EDEM2: variants seen among roughly 807,000 people sequenced by gnomAD.
EDEM2 encodes the protein ER degradation-enhancing alpha-mannosidase-like protein 2.
In EDEM2, 39 loss-of-function variants were observed where a neutral mutation model predicts 64.8. The ratio of observed to expected loss-of-function variants is 0.60; its 90% CI spans 0.47 to 0.79. The LOEUF is 0.79. Among genes scored for constraint, EDEM2 ranks in the 30% least tolerant of loss-of-function variants. The pLI is 0.00. For missense variants in EDEM2, 609 were observed against 731.3 expected (o/e 0.83, Z 1.93); for synonymous variants, 296 against 291.5 (o/e 1.02, Z -0.16).
chr20:35,146,708 G>T, intron 2 of EDEM2, 117 bp downstream of exon 2: 2 of 1,119,694 alleles, frequency 1.8e-6, no homozygotes, highest in Non-Finnish European at 2.6e-6. Context: ...CTCTAGCTCA[G>T]CTGGGAGCTT....
chr20:35,125,201 CTTT>C (rs11468187), intron 8 of EDEM2, among the ~76,000 whole-genome samples: 38 of 127,962 alleles, frequency 3.0e-4, no homozygotes, highest in Non-Finnish European at 4.1e-4. Context: ...CCGGTGGCCA[CTTT>C]TTTTTTTTTT....
At position 35,131,757 on chromosome 20, in the gene EDEM2, A is replaced by T; in HGVS notation, c.729T>A (p.Thr243=). 6.2e-7 allele frequency: 1 copy of T among 1,614,136 alleles called. No homozygotes were observed. The highest frequency in any genetic ancestry group is 2.2e-5 in the East Asian group (1 of 44,882). ...CTGCGTCCTGGGCCACCCACTTGCC[A>T]GTGAGCACATCAATGTGGTTGCCGA... ...GLVGNHIDVL[T]GKWVAQDAGI... The change falls in exon 7 of 11, where the codon ACT becomes ACA. Residue 243 remains threonine, a synonymous_variant. Coordinates refer to ENST00000374492, the MANE Select transcript of EDEM2 (RefSeq NM_018217.3).
intron 8 of EDEM2, among the ~76,000 whole-genome samples, chr20:35,124,636 G>T (rs1300835726): frequency 6.6e-6 from 1 of 152,112 alleles, no homozygotes; most frequent in Non-Finnish European, 1.5e-5. Flanking sequence ...CCAAAGTGCT[G>T]GGATTACAAC....
At chr20:35,130,354 G>A (rs1229814553) in intron 7 of EDEM2, among the ~76,000 whole-genome samples, 1 of 152,162 alleles carries the variant, frequency 6.6e-6, no homozygotes, top group Non-Finnish European at 1.5e-5. Context: ...AAAGGCATGA[G>A]CCACTGTGCC....
At chr20:35,116,500 C>T (rs185125930) in intron 10 of EDEM2, among the ~76,000 whole-genome samples, 44 of 152,296 alleles carry the variant, frequency 2.9e-4, no homozygotes, top group Admixed American at 1.9e-3. Context: ...CCTCCTGCTT[C>T]GGGCTCTTTG....
In EDEM2 at chr20:35,146,910, G is replaced by A. The variant is rs762063372; in HGVS notation, c.133C>T (p.His45Tyr). The change falls in exon 2 of 11, where the codon CAC becomes TAC. Residue 45 changes from histidine to tyrosine, a missense_variant. His to Tyr is a moderately conservative substitution (Grantham distance 83). Coordinates refer to ENST00000374492, the MANE Select transcript of EDEM2 (RefSeq NM_018217.3). ...TTCTCCAGGTAGCTGTCGTAGGCGT[G>A]GTAGAACATGGCCTTGACTCGCTCC... ...YRERVKAMFYHAYDSYLENAF... is the reference protein window; with the variant it reads ...YRERVKAMFYYAYDSYLENAF... 4 of 1,614,022 alleles carry A rather than the reference G, an allele frequency of 2.5e-6. No homozygotes were observed. The South Asian group carries it at 3.3e-5, about 13-fold the overall frequency.
chr20:35,121,246 A>G (rs1411008523), intron 9 of EDEM2, among the ~76,000 whole-genome samples: 1 of 152,330 alleles, frequency 6.6e-6, no homozygotes, highest in African/African-American at 2.4e-5. Context: ...TTTTCCTGCA[A>G]CTAGACAGCC....
In EDEM2 at chr20:35,147,195, C is replaced by T; in HGVS notation, c.64G>A (p.Ala22Thr). The T allele has an allele frequency of 6.2e-7, 1 of 1,603,270 alleles. No homozygotes were observed. Among genetic ancestry groups the T allele is most frequent in the African/African-American group, 1.3e-5 (1 of 74,834 alleles). The change falls in exon 1 of 11, where the codon GCG becomes ACG. Residue 22 changes from alanine to threonine, a missense_variant. Ala to Thr is a moderately conservative substitution (Grantham distance 58). Coordinates refer to ENST00000374492, the MANE Select transcript of EDEM2 (RefSeq NM_018217.3). ...LCALLPQHHG[A>T]PGPDGSAPDP... is the part of the protein sequence containing the mutation. ...GGCGCGGAGCCGTCGGGACCTGGCG[C>T]ACCATGGTGCTGAGGCAGCAGCGCG...
At chr20:35,120,219 GCCCT>G (rs1428362178) in intron 9 of EDEM2, among the ~76,000 whole-genome samples, 1 of 152,084 alleles carries the variant, frequency 6.6e-6, no homozygotes, top group Non-Finnish European at 1.5e-5. Flanking sequence ...TGCGCCACCA[GCCCT>G]GACTAATTTT....
intron 4 of EDEM2, among the ~76,000 whole-genome samples, chr20:35,140,970 A>G (rs2085645375): frequency 6.6e-6 from 1 of 151,970 alleles, no homozygotes; most frequent in Admixed American, 6.6e-5. Context: ...AAATACAAAA[A>G]TTAGCAGGGC....
chr20:35,134,439 G>C (rs1043004173), intron 6 of EDEM2, among the ~76,000 whole-genome samples: 1 of 152,112 alleles, frequency 6.6e-6, no homozygotes, highest in African/African-American at 2.4e-5. Flanking sequence ...ATGATCTGAA[G>C]CCGTCAAGTG....
At chr20:35,129,444 G>A (rs1196588775) in intron 7 of EDEM2, among the ~76,000 whole-genome samples, 2 of 150,606 alleles carry the variant, frequency 1.3e-5, no homozygotes, top group East Asian at 2.0e-4. Context: ...GGTGGTGGGC[G>A]CCTGTAATCC....
chr20:35,143,863 C>T (rs1179053534), intron 3 of EDEM2, among the ~76,000 whole-genome samples: 6 of 148,652 alleles, frequency 4.0e-5, no homozygotes, highest in Non-Finnish European at 7.5e-5. Flanking sequence ...CATGAGCCAC[C>T]ACACCTGGCC....
chr20:35,136,950 G>T (rs1057257593), intron 5 of EDEM2, among the ~76,000 whole-genome samples: 1 of 151,990 alleles, frequency 6.6e-6, no homozygotes, highest in African/African-American at 2.4e-5. Context: ...AAACATGGAG[G>T]CTTGACCTGC....
At chr20:35,131,533 T>C in intron 7 of EDEM2, 109 bp downstream of exon 7, 2 of 1,406,220 alleles carry the variant, frequency 1.4e-6, no homozygotes, top group Non-Finnish European at 9.7e-7. Flanking sequence ...GCCACTGCAC[T>C]CCAGCCTGGG....
intron 10 of EDEM2, 197 bp downstream of exon 10, chr20:35,118,401 T>C (rs1274993507): frequency 2.8e-6 from 2 of 716,872 alleles, no homozygotes; most frequent in East Asian, 3.2e-5. Context: ...CTACCTCTAC[T>C]AGCTGTGAGA....
At chr20:35,126,780 T>C (rs1270747878) in intron 7 of EDEM2, among the ~76,000 whole-genome samples, 1 of 151,982 alleles carries the variant, frequency 6.6e-6, no homozygotes, top group Non-Finnish European at 1.5e-5. Flanking sequence ...GGTGTGGTGG[T>C]GCATGCCTGT....
chr20:35,129,279 C>T (rs2085476880), intron 7 of EDEM2, among the ~76,000 whole-genome samples: 1 of 152,102 alleles, frequency 6.6e-6, no homozygotes, highest in African/African-American at 2.4e-5. Flanking sequence ...TGGCAGCGTG[C>T]ACCTGTAATC....
At chr20:35,119,156 T>C (rs551166440) in intron 9 of EDEM2, among the ~76,000 whole-genome samples, 2 of 152,200 alleles carry the variant, frequency 1.3e-5, no homozygotes, top group African/African-American at 4.8e-5. Flanking sequence ...GAGAGAGAAA[T>C]ACATTTCTAT....
Sources: gnomAD v4.1 joint callset for allele counts (sites outside exome capture counted in the v4.1 genomes callset) on GRCh38, gnomAD v4.1.1 for gene constraint, MANE v1.5 for transcripts, NCBI Gene and HGNC (gene_info 2026-07-23, HGNC 2026-07-21) for gene names.